Variants in SINHCAF observed in about 807,000 individuals in gnomAD.
SINHCAF encodes SIN3-HDAC complex associated factor.
Under a neutral mutation model 25.8 loss-of-function variants are expected in SINHCAF, and 3 were observed. The observed-to-expected ratio is 0.12, with a 90% CI of 0.05 to 0.30. SINHCAF has a LOEUF of 0.30. Among genes scored for constraint, SINHCAF ranks in the 10% least tolerant of loss-of-function variants. SINHCAF has a pLI of 1.00. For missense variants in SINHCAF, 121 were observed against 262.3 expected, an observed-to-expected ratio of 0.46 and a Z score of 3.72; for synonymous variants, 70 against 85.5, an observed-to-expected ratio of 0.82 and a Z score of 1.00.
At chr12:31,314,079 C>G (rs1033661183) in intron 1 of SINHCAF, among the ~76,000 whole-genome samples, 1 of 152,114 alleles carries the variant, frequency 6.6e-6, no homozygotes, top group African/African-American at 2.4e-5. Context: ...TCCGTCACTT[C>G]TGAACAAGAG....
intron 1 of SINHCAF, among the ~76,000 whole-genome samples, chr12:31,300,760 C>A (rs933419087): frequency 5.9e-5 from 9 of 152,100 alleles, no homozygotes; most frequent in African/African-American, 2.2e-4. Context: ...GTTAATACGG[C>A]CCTCGTCCTC....
In SINHCAF at chr12:31,282,789, TGCA is replaced by T; in HGVS notation, c.586_588del (p.Cys196del). 6.2e-7 allele frequency: 1 copy of T among 1,613,470 alleles called. No individual in the cohort carries two copies. The stretch of plus-strand genomic sequence containing the variant: ...TTCTCAGCAGCTGCTTTCTTATTGC[TGCA>T]GCAAGGCTTGAAGAGATGTGTGTCA... On this transcript the variant is annotated inframe_deletion, in exon 6 of 6. Coordinates refer to ENST00000337682, the MANE Select transcript of SINHCAF (RefSeq NM_001135812.2).
intron 1 of SINHCAF, among the ~76,000 whole-genome samples, chr12:31,316,335 T>C (rs1939493821): frequency 6.6e-6 from 1 of 152,168 alleles, no homozygotes; most frequent in Non-Finnish European, 1.5e-5. Context: ...AAAATAAAGT[T>C]TTAAAACACA....
chr12:31,324,041 A>G lies in SINHCAF; in HGVS notation c.-21+1983T>C. Reference sequence around the variant, plus strand: ...ATGCTCCCTGGTGGATTTGTTGGTAAATAAGACATCTCGCGTCGGGAGGAA... The same window carrying G: ...ATGCTCCCTGGTGGATTTGTTGGTAGATAAGACATCTCGCGTCGGGAGGAA... On this transcript the variant is annotated intron_variant, in intron 1 of 5. Transcript: ENST00000337682. The surrounding 1 kb of genome is among the most constrained non-coding windows in gnomAD (Gnocchi z 5.5). The G allele has an allele frequency of 2.2e-6, 1 of 455,014 alleles. No homozygotes were observed. Among genetic ancestry groups the G allele is most frequent in the Non-Finnish European group, 4.4e-6 (1 of 226,784 alleles). 28.2% of individuals were successfully genotyped at this position (455,014 alleles called of 1,614,324 possible).
intron 2 of SINHCAF, among the ~76,000 whole-genome samples, chr12:31,297,684 G>C (rs146772904): frequency 6.6e-6 from 1 of 151,636 alleles, no homozygotes; most frequent in Non-Finnish European, 1.5e-5. Flanking sequence ...TGTTGGCCAG[G>C]ATGGTCTCGA....
Position 31,282,572 on chromosome 12 carries a change from A to G in SINHCAF, c.*140T>C, listed in dbSNP as rs1937847169. 3.2e-6 allele frequency: 2 copies of G among 625,108 alleles called. No homozygotes were observed. Among genetic ancestry groups the G allele is most frequent in the Admixed American group, 3.6e-5 (1 of 27,416 alleles). 38.7% of individuals were successfully genotyped at this position (625,108 alleles called of 1,614,324 possible). ...GGGAGACGGAAGTTGCAGTGAGCCAAGATCACGCCACTGCACTCCAGCCTG... is the reference window on the plus strand; with the variant it reads ...GGGAGACGGAAGTTGCAGTGAGCCAGGATCACGCCACTGCACTCCAGCCTG... On this transcript the variant is annotated 3_prime_UTR_variant, in exon 6 of 6. Transcript: ENST00000337682.
intron 1 of SINHCAF, among the ~76,000 whole-genome samples, chr12:31,306,507 C>A (rs569973641): frequency 1.3e-5 from 2 of 152,140 alleles, no homozygotes; most frequent in Admixed American, 1.3e-4. Context: ...AAGTACCCCC[C>A]CCTTTTGTTT....
intron 1 of SINHCAF, among the ~76,000 whole-genome samples, chr12:31,323,469 G>A (rs1939788791): frequency 6.6e-6 from 1 of 152,166 alleles, no homozygotes; most frequent in Non-Finnish European, 1.5e-5. Flanking sequence ...AACTTAAGAA[G>A]GGGGAGAAAG....
In SINHCAF at chr12:31,320,801, A is replaced by C. The variant is rs77499579; in HGVS notation, c.-21+5223T>G. Among the ~76,000 whole-genome samples, 440 of 152,194 alleles carry C rather than the reference A, an allele frequency of 2.9e-3. 10 individuals carry two copies. The East Asian group carries it at 0.051, about 18-fold the overall frequency. On this transcript the variant is annotated intron_variant, in intron 1 of 5. Transcript: ENST00000337682. ...GAGGTTTTAAAAGCTATAGGAAAAA[A>C]TGTTTCTTGCTTATTTCAAGCAGGA...
intron 3 of SINHCAF, 54 bp from the exon 4 acceptor site, chr12:31,293,985 C>A (rs1938446215): frequency 1.3e-5 from 19 of 1,464,362 alleles, no homozygotes; most frequent in Non-Finnish European, 1.6e-5. Flanking sequence ...ACCAGTGTAT[C>A]CCTTTGGTTC....
chr12:31,296,959 CA>C, intron 2 of SINHCAF: 1 of 424,314 alleles, frequency 2.4e-6, no homozygotes, highest in Non-Finnish European at 4.8e-6. Context: ...CACTTGAGCC[CA>C]AAAGTTCAAG....
At chr12:31,298,423 C>T in intron 1 of SINHCAF, 199 bp from the exon 2 acceptor site, 2 of 542,588 alleles carry the variant, frequency 3.7e-6, no homozygotes, top group South Asian at 4.2e-5. Flanking sequence ...CAAAGAAAAG[C>T]CTAGTTATTT....
Position 31,298,161 on chromosome 12 carries a change from C to T in SINHCAF, c.44G>A (p.Gly15Asp). The T allele has an allele frequency of 6.2e-7, 1 of 1,614,166 alleles. No homozygotes were observed. Among genetic ancestry groups the T allele is most frequent in the Non-Finnish European group, 8.5e-7 (1 of 1,180,004 alleles). Residue 15 changes from glycine (G) to aspartate (D), a missense_variant, in exon 2 of 6, where the codon GGC becomes GAC. Coordinates refer to ENST00000337682, the MANE Select transcript of SINHCAF (RefSeq NM_001135812.2). The stretch of plus-strand genomic sequence containing the variant: ...GGACTTAGCTCTGCAAATACAGCAG[C>T]CCTCTATACTTCGGTACATCTTTGG... Reference protein sequence around the residue: ...HKPKMYRSIEGCCICRAKSSS... With the variant: ...HKPKMYRSIEDCCICRAKSSS...
chr12:31,318,341 G>A (rs1368510458), intron 1 of SINHCAF, among the ~76,000 whole-genome samples: 13 of 152,256 alleles, frequency 8.5e-5, no homozygotes, highest in South Asian at 2.1e-4. Flanking sequence ...CTAACTTTAA[G>A]GGATAAATGT....
chr12:31,302,056 C>T (rs984150021), intron 1 of SINHCAF, among the ~76,000 whole-genome samples: 2 of 152,072 alleles, frequency 1.3e-5, no homozygotes, highest in Admixed American at 6.6e-5. Context: ...TCATATCACT[C>T]AGCACTATGT....
At chr12:31,299,491 T>A (rs991014106) in intron 1 of SINHCAF, among the ~76,000 whole-genome samples, 8 of 152,062 alleles carry the variant, frequency 5.3e-5, no homozygotes, top group African/African-American at 1.9e-4. Flanking sequence ...TAACTTTTTG[T>A]ATTTTTAGTA....
chr12:31,293,935 G>C lies in SINHCAF; in HGVS notation c.229-4C>G. 1 of 1,585,428 alleles carries C rather than the reference G, an allele frequency of 6.3e-7. No homozygotes were observed. Among genetic ancestry groups the C allele is most frequent in the Non-Finnish European group, 8.5e-7 (1 of 1,170,174 alleles). The stretch of plus-strand genomic sequence containing the variant: ...GTCCAGCCCTTGCATCTACCACCTG[G>C]AAGAAAATACTGAATATTTAATAAT... On this transcript the variant is annotated splice_polypyrimidine_tract_variant and splice_region_variant and intron_variant, in intron 3 of 5. Coordinates refer to ENST00000337682, the MANE Select transcript of SINHCAF (RefSeq NM_001135812.2).
intron 1 of SINHCAF, among the ~76,000 whole-genome samples, chr12:31,308,293 TGATGG>T (rs1263776882): frequency 6.6e-6 from 1 of 152,120 alleles, no homozygotes; most frequent in Admixed American, 6.5e-5. Flanking sequence ...CGAGTCCACA[TGATGG>T]GATCAGGCTG....
At chr12:31,297,989 A>G (rs1009700749) in intron 2 of SINHCAF, 88 bp downstream of exon 2, 1 of 1,283,220 alleles carries the variant, frequency 7.8e-7, no homozygotes, top group African/African-American at 1.5e-5. Flanking sequence ...TTATTAGCAC[A>G]TTGTTCCAAT....
Sources: allele counts gnomAD v4.1 joint callset (sites outside exome capture counted in the v4.1 genomes callset), GRCh38; gene constraint gnomAD v4.1.1; non-coding constraint Gnocchi (gnomAD v3.1); transcripts MANE v1.5; gene names NCBI Gene and HGNC (gene_info 2026-07-23, HGNC 2026-07-21).